FER: variants seen among roughly 807,000 people sequenced by gnomAD.
The protein encoded by FER is FER tyrosine kinase.
Under a neutral mutation model 111.0 loss-of-function variants are expected in FER, and 63 were observed. The ratio of observed to expected loss-of-function variants is 0.57; its 90% CI spans 0.46 to 0.70. The LOEUF (loss-of-function observed/expected upper bound fraction) is 0.70, where lower values mean the gene tolerates loss of function less well. Among genes scored for constraint, FER ranks in the 30% least tolerant of loss-of-function variants. The pLI is 0.00. For synonymous variants in FER, 327 were observed against 313.9 expected, an observed-to-expected ratio of 1.04 and a Z score of -0.44; for missense variants, 914 against 954.0, an observed-to-expected ratio of 0.96 and a Z score of 0.55.
rs138960790 is a variant in FER, at chr5:108,863,241, T to G, written c.482-4526T>G. 4.1e-3 allele frequency among the ~76,000 whole-genome samples: 625 copies of G among 152,254 alleles called. 4 individuals are homozygous for G. The highest frequency in any genetic ancestry group is 0.015 in the African/African-American group (605 of 41,540). On this transcript the variant is annotated intron_variant, in intron 5 of 19. Transcript: ENST00000281092. Reference sequence around the variant, plus strand: ...TTAAAGTGATTCTCCTGCCTCAGCCTCCCGATTGGCTGGGACCACAGGCAT... The same window carrying G: ...TTAAAGTGATTCTCCTGCCTCAGCCGCCCGATTGGCTGGGACCACAGGCAT...
intron 13 of FER, among the ~76,000 whole-genome samples, chr5:108,995,679 G>C (rs1277171143): frequency 6.6e-6 from 1 of 152,064 alleles, no homozygotes; most frequent in Non-Finnish European, 1.5e-5. Context: ...TGGGCATTTG[G>C]GTTGGTTCCA....
intron 2 of FER, among the ~76,000 whole-genome samples, chr5:108,794,717 C>T (rs1027854529): frequency 6.6e-6 from 1 of 152,102 alleles, no homozygotes; most frequent in African/African-American, 2.4e-5. Flanking sequence ...GCCACTCTCT[C>T]CTGCCATGTA....
At chr5:109,025,558 G>C (rs530748185) in intron 13 of FER, among the ~76,000 whole-genome samples, 11 of 151,252 alleles carry the variant, frequency 7.3e-5, no homozygotes, top group African/African-American at 2.7e-4. Context: ...CAATCATGTC[G>C]TCTGCAAACA....
chr5:108,846,273 A>G (rs1042566135), intron 5 of FER, among the ~76,000 whole-genome samples: 1 of 152,006 alleles, frequency 6.6e-6, no homozygotes, highest in Non-Finnish European at 1.5e-5. Flanking sequence ...ACTTTCTGTA[A>G]TCAATATAGG....
intron 10 of FER, among the ~76,000 whole-genome samples, chr5:108,937,889 G>T (rs1341344740): frequency 1.3e-5 from 2 of 151,630 alleles, no homozygotes; most frequent in African/African-American, 4.8e-5. Context: ...ACTCTTTTAG[G>T]AATTTTTTTT....
At chr5:108,996,187 A>G (rs1405166735) in intron 13 of FER, among the ~76,000 whole-genome samples, 1 of 152,164 alleles carries the variant, frequency 6.6e-6, no homozygotes, top group African/African-American at 2.4e-5. Context: ...AGAGATTGCA[A>G]AAATTTTCTC....
chr5:108,831,098 G>C (rs879457944), intron 3 of FER, among the ~76,000 whole-genome samples: 25 of 152,234 alleles, frequency 1.6e-4, no homozygotes, highest in Non-Finnish European at 1.2e-4. Flanking sequence ...TTCTGGGAGA[G>C]GAGGGCAATC....
intron 13 of FER, among the ~76,000 whole-genome samples, chr5:108,994,671 A>G (rs1422447242): frequency 6.6e-6 from 1 of 152,180 alleles, no homozygotes; most frequent in Non-Finnish European, 1.5e-5. Flanking sequence ...TTTCATGTGA[A>G]TAGCATTGAA....
intron 10 of FER, among the ~76,000 whole-genome samples, chr5:108,925,400 T>C (rs967149176): frequency 2.6e-5 from 4 of 152,058 alleles, no homozygotes; most frequent in African/African-American, 9.7e-5. Flanking sequence ...GTTTATGGTT[T>C]AATTTAGGAA....
chr5:108,921,535 A>G (rs973473537), intron 10 of FER, among the ~76,000 whole-genome samples: 2 of 152,146 alleles, frequency 1.3e-5, no homozygotes, highest in Non-Finnish European at 2.9e-5. Flanking sequence ...ACTCGTATCA[A>G]CAAGTAGAGT....
intron 16 of FER, chr5:109,052,176 A>G: frequency 6.2e-7 from 1 of 1,608,582 alleles, no homozygotes; most frequent in East Asian, 2.2e-5. Context: ...AGAACACATG[A>G]GCCAGGTACA....
chr5:109,006,219 G>T (rs1359121654), intron 13 of FER, among the ~76,000 whole-genome samples: 1 of 152,182 alleles, frequency 6.6e-6, no homozygotes, highest in Non-Finnish European at 1.5e-5. Context: ...GAAGAAAGCT[G>T]TGAGGAGTTT....
chr5:108,776,561 A>G (rs1244334047), intron 2 of FER, among the ~76,000 whole-genome samples: 1 of 152,314 alleles, frequency 6.6e-6, no homozygotes, highest in East Asian at 1.9e-4. Context: ...CCTTATATTC[A>G]CAAGAAATAC....
chr5:109,037,389 G>A, intron 13 of FER, 33 bp from the exon 14 acceptor site: 3 of 1,587,072 alleles, frequency 1.9e-6, no homozygotes, highest in South Asian at 2.2e-5. Flanking sequence ...ACCCTTGCTT[G>A]TACTAAACAA....
intron 3 of FER, among the ~76,000 whole-genome samples, chr5:108,809,988 G>A (rs1033245908): frequency 6.6e-6 from 1 of 152,170 alleles, no homozygotes; most frequent in Non-Finnish European, 1.5e-5. Flanking sequence ...CAGAATTCTT[G>A]TGCTGGTTCC....
intron 1 of FER, among the ~76,000 whole-genome samples, chr5:108,762,858 C>G (rs958991346): frequency 2.0e-5 from 3 of 152,164 alleles, no homozygotes; most frequent in Admixed American, 6.5e-5. Context: ...TGACTAACTT[C>G]CTTATCTCCT....
At chr5:109,072,096 G>C (rs1408358049) in intron 16 of FER, among the ~76,000 whole-genome samples, 1 of 151,356 alleles carries the variant, frequency 6.6e-6, no homozygotes, top group African/African-American at 2.4e-5. Flanking sequence ...TATATACATT[G>C]TACTGTTTGA....
At chr5:108,770,442 A>G (rs954534216) in intron 2 of FER, among the ~76,000 whole-genome samples, 2 of 152,172 alleles carry the variant, frequency 1.3e-5, no homozygotes, top group African/African-American at 4.8e-5. Context: ...AAGTTCTAAT[A>G]TGTAATTTTA....
At chr5:109,161,155 G>A (rs1008829564) in intron 17 of FER, among the ~76,000 whole-genome samples, 3 of 152,082 alleles carry the variant, frequency 2.0e-5, no homozygotes, top group Admixed American at 6.6e-5. Flanking sequence ...TTACAGCTTC[G>A]TTGTTTATAA....
Sources: allele counts gnomAD v4.1 joint callset (sites outside exome capture counted in the v4.1 genomes callset), GRCh38; gene constraint gnomAD v4.1.1; transcripts MANE v1.5; gene names NCBI Gene and HGNC (gene_info 2026-07-23, HGNC 2026-07-21).